GSTCD: variants seen among roughly 807,000 people sequenced by gnomAD.
The protein encoded by GSTCD is glutathione S-transferase C-terminal domain containing.
A neutral mutation model predicts 68.3 loss-of-function variants in GSTCD; 44 were observed. That is an observed-to-expected ratio of 0.64 (90% CI 0.51 to 0.83). The LOEUF is 0.83. GSTCD is among the 40% of genes least tolerant of loss of function. GSTCD has a pLI of 0.00. For synonymous variants in GSTCD, 273 were observed against 255.2 expected (o/e 1.07, Z -0.67); for missense variants, 739 against 735.9 (o/e 1.00, Z -0.05).
intron 5 of GSTCD, among the ~76,000 whole-genome samples, chr4:105,773,490 A>T (rs145094926): frequency 3.6e-4 from 54 of 152,110 alleles, no homozygotes; most frequent in African/African-American, 1.3e-3. Context: ...TCTCCTGTGG[A>T]CATTTAGTGC....
At chr4:105,804,612 T>C (rs1016783206) in intron 5 of GSTCD, among the ~76,000 whole-genome samples, 3 of 152,116 alleles carry the variant, frequency 2.0e-5, no homozygotes, top group Non-Finnish European at 2.9e-5. Flanking sequence ...GCAATACTTA[T>C]TCTATTCTAA....
In GSTCD at chr4:105,790,219, G is replaced by A. The variant is rs374864692; in HGVS notation, c.1241-32735G>A. Among the ~76,000 whole-genome samples the A allele has an allele frequency of 3.9e-5, 6 of 152,162 alleles. No homozygotes were observed. The East Asian group carries it at 7.7e-4, about 20-fold the overall frequency. On this transcript the variant is annotated intron_variant, in intron 5 of 11. Transcript: ENST00000515279. ...TACACACCTTGATCTGGATTTGTTA[G>A]TTGGATGCTTCTACAATAAACTCAT...
chr4:105,823,436 A>G, intron 7 of GSTCD, 161 bp downstream of exon 7: 1 of 502,986 alleles, frequency 2.0e-6, no homozygotes. Flanking sequence ...AAGACTCAGA[A>G]TCTTAAGGAA....
chr4:105,717,818 C>G lies in GSTCD; in HGVS notation c.205C>G (p.Gln69Glu), dbSNP rs762490621. Residue 69 changes from glutamine to glutamate, a missense_variant, in exon 2 of 12, where the codon CAG becomes GAG. By Grantham distance (29) the Gln-to-Glu change is conservative. Transcript: ENST00000515279. ...TTCACTACTAAGAGATGACCTGATC[C>G]AGGATGTTGAAATACAGATTATTTC... ...DSSLLRDDLI[Q>E]DVEIQIISRQ... 11 of 1,613,948 alleles carry G rather than the reference C, an allele frequency of 6.8e-6. No homozygotes were observed. The South Asian group carries it at 1.1e-4, about 16-fold the overall frequency.
chr4:105,785,780 C>T (rs965338157), intron 5 of GSTCD, among the ~76,000 whole-genome samples: 8 of 152,030 alleles, frequency 5.3e-5, no homozygotes, highest in African/African-American at 1.9e-4. Context: ...AAAAAAAGGC[C>T]TCTACATTGG....
intron 5 of GSTCD, among the ~76,000 whole-genome samples, chr4:105,764,920 G>A (rs1039893863): frequency 1.3e-5 from 2 of 152,042 alleles, no homozygotes; most frequent in East Asian, 1.9e-4. Context: ...AGAAAACTTC[G>A]AGGTGTTTTG....
chr4:105,734,023 C>A (rs1733356738), intron 5 of GSTCD, among the ~76,000 whole-genome samples: 1 of 152,332 alleles, frequency 6.6e-6, no homozygotes, highest in Non-Finnish European at 1.5e-5. Flanking sequence ...CCCCCACTCT[C>A]TTCTGGCTTG....
intron 5 of GSTCD, among the ~76,000 whole-genome samples, chr4:105,787,774 TC>T (rs1409752617): frequency 3.3e-5 from 5 of 151,976 alleles, no homozygotes; most frequent in African/African-American, 1.2e-4. Flanking sequence ...AAAGCTTTTT[TC>T]CCCCCTTGGG....
chr4:105,795,476 T>C (rs992082504), intron 5 of GSTCD, among the ~76,000 whole-genome samples: 1 of 152,082 alleles, frequency 6.6e-6, no homozygotes, highest in African/African-American at 2.4e-5. Flanking sequence ...TCTAATCCAG[T>C]GTATGATCAA....
intron 5 of GSTCD, among the ~76,000 whole-genome samples, chr4:105,750,006 A>G (rs1256347936): frequency 6.6e-6 from 1 of 152,254 alleles, no homozygotes; most frequent in African/African-American, 2.4e-5. Flanking sequence ...TCCAATTAGA[A>G]AATGGGCAAA....
intron 5 of GSTCD, among the ~76,000 whole-genome samples, chr4:105,778,805 G>T (rs1393523150): frequency 6.6e-6 from 1 of 151,994 alleles, no homozygotes; most frequent in Non-Finnish European, 1.5e-5. Flanking sequence ...ACATATGAAA[G>T]TTACAAGAAT....
chr4:105,836,283 T>C (rs1724114693), intron 9 of GSTCD, among the ~76,000 whole-genome samples: 1 of 151,666 alleles, frequency 6.6e-6, no homozygotes, highest in South Asian at 2.1e-4. Context: ...GAGTCCGGGG[T>C]TTTTATGGAC....
intron 5 of GSTCD, among the ~76,000 whole-genome samples, chr4:105,749,542 A>G (rs1733933979): frequency 6.6e-6 from 1 of 151,994 alleles, no homozygotes; most frequent in Non-Finnish European, 1.5e-5. Context: ...AAATGCATAA[A>G]AGCAACTCAA....
intron 9 of GSTCD, among the ~76,000 whole-genome samples, chr4:105,835,377 C>T (rs1485430500): frequency 3.9e-5 from 6 of 152,242 alleles, no homozygotes; most frequent in South Asian, 4.1e-4. Flanking sequence ...GCACAGGGTC[C>T]GGCCACTTCA....
At chr4:105,748,060 G>C (rs1733870558) in intron 5 of GSTCD, among the ~76,000 whole-genome samples, 1 of 151,984 alleles carries the variant, frequency 6.6e-6, no homozygotes, top group Non-Finnish European at 1.5e-5. Flanking sequence ...TTCAAGACCA[G>C]CCTGTCCAAT....
chr4:105,747,889 TTTG>T (rs57577586), intron 5 of GSTCD, among the ~76,000 whole-genome samples: 1 of 151,360 alleles, frequency 6.6e-6, no homozygotes, highest in Admixed American at 6.6e-5. Context: ...GTGTAAACAG[TTTG>T]TTGTTGTTGT....
At chr4:105,828,502 AC>A (rs1396098748) in intron 8 of GSTCD, among the ~76,000 whole-genome samples, 1 of 152,158 alleles carries the variant, frequency 6.6e-6, no homozygotes, top group African/African-American at 2.4e-5. Context: ...AGGTATTTCA[AC>A]CCCGCTTCTC....
Position 105,719,539 on chromosome 4 carries a change from T to G in GSTCD, c.894+12T>G. On this transcript the variant is annotated intron_variant, in intron 3 of 11. Transcript: ENST00000515279. Reference sequence around the variant, plus strand: ...TCCATCATTTCTTGGTAAGGTTTCATCTGGACTGTACACATTACTATGAGT... The same window carrying G: ...TCCATCATTTCTTGGTAAGGTTTCAGCTGGACTGTACACATTACTATGAGT... The G allele has an allele frequency of 6.3e-7, 1 of 1,583,316 alleles. No homozygotes were observed. Among genetic ancestry groups the G allele is most frequent in the African/African-American group, 1.3e-5 (1 of 74,354 alleles).
intron 1 of GSTCD, among the ~76,000 whole-genome samples, chr4:105,713,643 G>A (rs979732696): frequency 6.6e-6 from 1 of 152,086 alleles, no homozygotes; most frequent in African/African-American, 2.4e-5. Context: ...TAATGCACAT[G>A]TTCTGTGTGC....
Sources: allele counts gnomAD v4.1 joint callset (sites outside exome capture counted in the v4.1 genomes callset), GRCh38; gene constraint gnomAD v4.1.1; transcripts MANE v1.5; gene names NCBI Gene and HGNC (gene_info 2026-07-23, HGNC 2026-07-21).